ELN: variants seen among roughly 807,000 people sequenced by gnomAD.
The protein encoded by ELN is elastin.
ELN carries 65 observed loss-of-function variants against 105.8 expected under a neutral mutation model. That is an observed-to-expected ratio of 0.61 (90% confidence interval 0.50 to 0.75). ELN has a LOEUF of 0.75. Ranked by LOEUF, ELN falls within the 30% of genes least tolerant of loss-of-function variation. The probability of loss-of-function intolerance (pLI) is 0.00; values close to 1 mark genes in which losing one functional copy is unlikely to be tolerated. For synonymous variants in ELN, 368 were observed against 389.2 expected (o/e 0.95, Z 0.64); for missense variants, 882 against 969.4 (o/e 0.91, Z 1.20).
Position 74,063,297 on chromosome 7 carries a change from T to TCTGTGTTC in ELN, c.1859-11_1859-4dup. 6.4e-7 allele frequency: 1 copy of TCTGTGTTC among 1,562,038 alleles called. No individual in the cohort carries two copies. Among genetic ancestry groups the TCTGTGTTC allele is most frequent in the Non-Finnish European group, 8.7e-7 (1 of 1,153,204 alleles). On this transcript the variant is annotated splice_polypyrimidine_tract_variant and intron_variant, in intron 27 of 32. Coordinates refer to ENST00000252034, the MANE Select transcript of ELN (RefSeq NM_000501.4). This position sits in a 1 kb window ranked among gnomAD's most constrained non-coding sequence, Gnocchi z 4.1. ...GTACAGAGTGCCTCCCTGAACTCGG[T>TCTGTGTTC]CTGTGTTCCCAGGAGCCGGACCCGC... is the stretch of plus-strand genomic sequence containing the variant.
At position 74,069,688 on chromosome 7, in the gene ELN, A is replaced by T. The variant is rs1202080768; in HGVS notation, c.*988A>T. On this transcript the variant is annotated 3_prime_UTR_variant, in exon 33 of 33. Transcript: ENST00000252034. ...TATTTTTTGTCCTGGATATTTGGGG[A>T]TTATTTTTGATTGTTGATATTCTCT... is the stretch of plus-strand genomic sequence containing the variant. 1 of 231,580 alleles carries T rather than the reference A, an allele frequency of 4.3e-6. No homozygotes were observed. Among genetic ancestry groups the T allele is most frequent in the Non-Finnish European group, 8.5e-6 (1 of 117,260 alleles). The allele number at this position is 231,580 out of a possible 1,614,324, so 14.3% of individuals were successfully genotyped here. A position where few individuals can be genotyped will look rare whatever the true frequency, so the allele number is the denominator to read the frequency against.
intron 32 of ELN, 83 bp downstream of exon 32, chr7:74,066,859 GA>G (rs1798070518): frequency 6.7e-7 from 1 of 1,493,072 alleles, no homozygotes; most frequent in Non-Finnish European, 9.3e-7. Context: ...CTCCTGCTCA[GA>G]AGGGCTGAGC....
intron 5 of ELN, 132 bp from the exon 6 acceptor site, chr7:74,042,482 C>A (rs746241532): frequency 4.0e-6 from 3 of 742,990 alleles, no homozygotes; most frequent in Non-Finnish European, 6.8e-6. Flanking sequence ...GTCCTGCAGG[C>A]ATTGATGTCT....
intron 18 of ELN, among the ~76,000 whole-genome samples, chr7:74,053,982 G>A (rs1378628068): frequency 6.6e-6 from 1 of 152,058 alleles, no homozygotes; most frequent in Non-Finnish European, 1.5e-5. Context: ...GGGTAGATGG[G>A]TGGATGAATG....
At position 74,060,126 on chromosome 7, in the gene ELN, T is replaced by C. The variant is rs781862049; in HGVS notation, c.1577-14T>C. The stretch of plus-strand genomic sequence containing the variant: ...CGCCTCCATCTCTAATCCCCCTCTC[T>C]CTCCCTCCCTCAGCTGCAGCAAAAT... On this transcript the variant is annotated splice_polypyrimidine_tract_variant and intron_variant, in intron 23 of 32. Coordinates refer to ENST00000252034, the MANE Select transcript of ELN (RefSeq NM_000501.4). The C allele has an allele frequency of 5.0e-6, 8 of 1,613,962 alleles. No individual in the cohort carries two copies. The highest frequency in any genetic ancestry group is 3.3e-5 in the Admixed American group (2 of 59,988).
Position 74,046,843 on chromosome 7 carries a change from G to A in ELN, c.643+76G>A. 1.9e-6 allele frequency: 3 copies of A among 1,545,730 alleles called. No homozygotes were observed. In the East Asian group the frequency reaches 6.8e-5, roughly 35 times the overall value. On this transcript the variant is annotated intron_variant, in intron 12 of 32. Transcript: ENST00000252034. Reference sequence around the variant, plus strand: ...TCACACCTGTAATCCCAGCACTTTGGGAGGCTAAGGCGGGCAGATCACTTG... The same window carrying A: ...TCACACCTGTAATCCCAGCACTTTGAGAGGCTAAGGCGGGCAGATCACTTG...
rs1222495699 is a variant in ELN at position 74,037,654 on chromosome 7, A to G, written c.164-53A>G. Reference sequence around the variant, plus strand: ...TGCCCGGGTTGGGGGTTGGATAAGTAGTAGATGGATAAGCTGGGCCACCCC... The same window carrying G: ...TGCCCGGGTTGGGGGTTGGATAAGTGGTAGATGGATAAGCTGGGCCACCCC... On this transcript the variant is annotated intron_variant, in intron 3 of 32. Coordinates refer to ENST00000252034, the MANE Select transcript of ELN (RefSeq NM_000501.4). 8 of 1,596,420 alleles carry G rather than the reference A, an allele frequency of 5.0e-6. No individual in the cohort carries two copies. In the Admixed American group the frequency reaches 1.4e-4, roughly 28 times the overall value.
rs56240724 is a variant in ELN at position 74,060,655 on chromosome 7, C to T, written c.1747+154C>T. 0.026 allele frequency: 40,522 copies of T among 1,544,738 alleles called. 623 individuals are homozygous for T. Among genetic ancestry groups the T allele is most frequent in the Middle Eastern group, 0.042 (249 of 5,964 alleles). ...CTAAGCATCTGGGGGTAACAGATAG[C>T]GGGAGGAGGGCAGACCAGGCCAAGG... On this transcript the variant is annotated intron_variant, in intron 25 of 32. Transcript: ENST00000252034.
chr7:74,061,470 G>T (rs1554684551), intron 26 of ELN, among the ~76,000 whole-genome samples: 1 of 151,960 alleles, frequency 6.6e-6, no homozygotes, highest in African/African-American at 2.4e-5. Context: ...TGACCAATAT[G>T]GTGAAACCCC....
At chr7:74,053,627 G>A (rs1794604170) in intron 18 of ELN, among the ~76,000 whole-genome samples, 1 of 152,072 alleles carries the variant, frequency 6.6e-6, no homozygotes, top group Admixed American at 6.6e-5. Flanking sequence ...TGGATAAAAC[G>A]GTAAGTGGGT....
Position 74,048,508 on chromosome 7 carries a change from G to A in ELN, c.751G>A (p.Gly251Ser). 3 of 1,614,016 alleles carry A rather than the reference G, an allele frequency of 1.9e-6. No homozygotes were observed. The highest frequency in any genetic ancestry group is 2.5e-6 in the Non-Finnish European group (3 of 1,179,938). ...KAGYPTGTGV[G>S]PQAAAAAAAK... Reference sequence around the variant, plus strand: ...CCTCTGCTTCCTTCCCCCAGGGGTTGGCCCCCAGGCAGCAGCAGCAGCGGC... The same window carrying A: ...CCTCTGCTTCCTTCCCCCAGGGGTTAGCCCCCAGGCAGCAGCAGCAGCGGC... Residue 251 changes from glycine to serine, a missense_variant, in exon 15 of 33, where the codon GGC becomes AGC. Physicochemically the swap from Gly to Ser is moderately conservative, Grantham distance 56. Transcript: ENST00000252034.
intron 13 of ELN, 32 bp from the exon 14 acceptor site, chr7:74,048,110 A>G: frequency 1.9e-6 from 3 of 1,613,796 alleles, no homozygotes; most frequent in Non-Finnish European, 2.5e-6. Context: ...TGATGTCTGC[A>G]CAGATGACCA....
Position 74,068,811 on chromosome 7 carries a change from G to A in ELN, c.*111G>A. The A allele has an allele frequency of 7.2e-7, 1 of 1,396,832 alleles. No homozygotes were observed. The allele number at this position is 1,396,832 out of a possible 1,614,324, so 86.5% of individuals were successfully genotyped here. On this transcript the variant is annotated 3_prime_UTR_variant, in exon 33 of 33. Transcript: ENST00000252034. ...ATGCCCCTCCGACTCCCCACCCCAG[G>A]AGGGAACGGGCAGGCCGGGCGGCCT... is the stretch of plus-strand genomic sequence containing the variant.
intron 3 of ELN, among the ~76,000 whole-genome samples, chr7:74,036,785 G>A (rs1554666047): frequency 6.6e-6 from 1 of 152,142 alleles, no homozygotes; most frequent in African/African-American, 2.4e-5. Context: ...TAGACTTTAT[G>A]TCTGGTGCCC....
At chr7:74,044,071 CCCT>C in intron 9 of ELN, 151 bp downstream of exon 9, 1 of 1,069,112 alleles carries the variant, frequency 9.4e-7, no homozygotes, top group Non-Finnish European at 1.4e-6. Flanking sequence ...CATAGTAAGG[CCCT>C]CGTCTCTACA....
At chr7:74,046,245 G>A (rs782007324) in intron 11 of ELN, 28 bp downstream of exon 11, 6 of 1,614,112 alleles carry the variant, frequency 3.7e-6, no homozygotes, top group Non-Finnish European at 3.4e-6. Context: ...GGAGAAGCAG[G>A]GTGGCCAGCC....
rs781804483 is a variant in ELN at position 74,030,465 on chromosome 7, ATTT to A, written c.82+2211_82+2213del. ...CCATCCCCCAGAAATAGTATCAGGG[ATTT>A]TTTTTTTTTTTTTTCCTGATTTCAG... is the stretch of plus-strand genomic sequence containing the variant. On this transcript the variant is annotated intron_variant, in intron 1 of 32. Transcript: ENST00000252034. Among the ~76,000 whole-genome samples the A allele has an allele frequency of 5.3e-3, 749 of 142,018 alleles. 5 individuals are homozygous for A. Among genetic ancestry groups the A allele is most frequent in the African/African-American group, 0.018 (693 of 38,870 alleles). 93.2% of individuals were successfully genotyped at this position (142,018 alleles called of 152,430 possible). A position where few individuals can be genotyped will look rare whatever the true frequency, so the allele number is the denominator to read the frequency against.
At chr7:74,046,656 G>C (rs376229807) in intron 11 of ELN, 40 bp from the exon 12 acceptor site, 65 of 1,610,134 alleles carry the variant, frequency 4.0e-5, no homozygotes, top group Non-Finnish European at 5.2e-5. Flanking sequence ...GGTTTGGAAG[G>C]GGGTGCTGGG....
At chr7:74,048,680 A>C in intron 15 of ELN, 124 bp downstream of exon 15, 1 of 1,089,134 alleles carries the variant, frequency 9.2e-7, no homozygotes, top group Non-Finnish European at 1.4e-6. Flanking sequence ...AATTTTCAAC[A>C]TCACCCATCT....
Sources: gnomAD v4.1 joint callset for allele counts (sites outside exome capture counted in the v4.1 genomes callset) on GRCh38, gnomAD v4.1.1 for gene constraint, Gnocchi (gnomAD v3.1) non-coding constraint, MANE v1.5 for transcripts, NCBI Gene and HGNC (gene_info 2026-07-23, HGNC 2026-07-21) for gene names.